The following FSTL5 variants were observed in gnomAD, a reference collection of about 807,000 sequenced individuals.
FSTL5 encodes follistatin like 5.
Under a neutral mutation model 89.1 loss-of-function variants are expected in FSTL5, and 62 were observed. The observed-to-expected ratio is 0.70, with a 90% CI of 0.57 to 0.86. The LOEUF is 0.86. FSTL5 is among the 40% of genes least tolerant of loss of function. The pLI is 0.00. For synonymous variants in FSTL5, 383 were observed against 346.2 expected, an observed-to-expected ratio of 1.11 and a Z score of -1.18; for missense variants, 1,057 against 1,001.6, an observed-to-expected ratio of 1.06 and a Z score of -0.75.
chr4:161,748,152 AT>A (rs1157920242), intron 6 of FSTL5, among the ~76,000 whole-genome samples: 1 of 152,150 alleles, frequency 6.6e-6, no homozygotes, highest in Non-Finnish European at 1.5e-5. Flanking sequence ...CATCAAACTA[AT>A]TACTTGTATA....
At chr4:161,540,008 A>C (rs933121200) in intron 9 of FSTL5, among the ~76,000 whole-genome samples, 4 of 151,646 alleles carry the variant, frequency 2.6e-5, no homozygotes, top group African/African-American at 9.7e-5. Context: ...GCTGTCTCCC[A>C]ATATTTTTAC....
At chr4:161,544,199 C>T (rs939567009) in intron 8 of FSTL5, among the ~76,000 whole-genome samples, 17 of 151,742 alleles carry the variant, frequency 1.1e-4, no homozygotes, top group Non-Finnish European at 2.1e-4. Flanking sequence ...CACTTCACAC[C>T]CTCTAGAATG....
At chr4:161,846,791 C>A (rs1259157210) in intron 4 of FSTL5, among the ~76,000 whole-genome samples, 1 of 152,116 alleles carries the variant, frequency 6.6e-6, no homozygotes, top group Non-Finnish European at 1.5e-5. Context: ...GCTCCAGGAC[C>A]ATTACCACTT....
intron 3 of FSTL5, among the ~76,000 whole-genome samples, chr4:161,924,339 A>G (rs1237522555): frequency 6.6e-6 from 1 of 151,000 alleles, no homozygotes; most frequent in African/African-American, 2.4e-5. Context: ...ATTCTCAATA[A>G]TGAATAAAAT....
chr4:161,881,297 T>A (rs1295827293), intron 4 of FSTL5, among the ~76,000 whole-genome samples: 2 of 151,568 alleles, frequency 1.3e-5, no homozygotes, highest in Non-Finnish European at 2.9e-5. Flanking sequence ...ACACACACTT[T>A]TTTCCTTTTT....
chr4:161,586,019 C>G (rs1733603985), intron 8 of FSTL5, among the ~76,000 whole-genome samples: 1 of 152,178 alleles, frequency 6.6e-6, no homozygotes, highest in Admixed American at 6.5e-5. Flanking sequence ...ATCTGCTCCC[C>G]TGGAGCGTCA....
Position 162,048,292 on chromosome 4 carries a change from A to T in FSTL5, c.127-14634T>A, listed in dbSNP as rs572114439. 5.1e-3 allele frequency among the ~76,000 whole-genome samples: 776 copies of T among 152,128 alleles called. 4 individuals are homozygous for T. Among genetic ancestry groups the T allele is most frequent in the African/African-American group, 0.018 (750 of 41,508 alleles). On this transcript the variant is annotated intron_variant, in intron 2 of 15. Coordinates refer to ENST00000306100, the MANE Select transcript of FSTL5 (RefSeq NM_020116.5). ...CAGTGAGCGGCGATGGTGTCACTGC[A>T]CTCTAGACTCCAGCCTGGGCGACAA... is the stretch of plus-strand genomic sequence containing the variant.
intron 15 of FSTL5, among the ~76,000 whole-genome samples, chr4:161,396,154 C>A (rs550342665): frequency 6.6e-6 from 1 of 151,806 alleles, no homozygotes; most frequent in South Asian, 2.1e-4. Flanking sequence ...GAAGCCCACC[C>A]ATCCCAGATA....
intron 1 of FSTL5, among the ~76,000 whole-genome samples, chr4:162,138,903 C>T (rs552332856): frequency 2.0e-4 from 31 of 151,884 alleles, no homozygotes; most frequent in African/African-American, 7.5e-4. Context: ...ATGTAGAAGC[C>T]CTTTACGGAA....
intron 3 of FSTL5, among the ~76,000 whole-genome samples, chr4:161,959,670 G>A (rs1735117927): frequency 1.3e-5 from 2 of 152,224 alleles, no homozygotes; most frequent in South Asian, 2.1e-4. Flanking sequence ...ATTTAGACTA[G>A]AGATGTTTCT....
At chr4:161,549,898 AT>A (rs1732140513) in intron 8 of FSTL5, among the ~76,000 whole-genome samples, 1 of 151,946 alleles carries the variant, frequency 6.6e-6, no homozygotes, top group Non-Finnish European at 1.5e-5. Context: ...TCCATTGTAT[AT>A]ACAAATTTCA....
intron 6 of FSTL5, among the ~76,000 whole-genome samples, chr4:161,706,793 A>T (rs1738599843): frequency 6.6e-6 from 1 of 152,048 alleles, no homozygotes; most frequent in African/African-American, 2.4e-5. Flanking sequence ...AATGAACCAG[A>T]TTGTTGAAAT....
intron 7 of FSTL5, among the ~76,000 whole-genome samples, chr4:161,634,096 T>G (rs1312900145): frequency 6.6e-6 from 1 of 152,318 alleles, no homozygotes; most frequent in South Asian, 2.1e-4. Context: ...CAAAGCTATA[T>G]CCCTAGACAA....
At chr4:162,150,767 A>G (rs184669904) in intron 1 of FSTL5, among the ~76,000 whole-genome samples, 2 of 152,284 alleles carry the variant, frequency 1.3e-5, no homozygotes, top group African/African-American at 4.8e-5. Context: ...CTATTACTTA[A>G]AAGTGTTCAT....
At chr4:161,597,721 A>T (rs1213160881) in intron 7 of FSTL5, among the ~76,000 whole-genome samples, 1 of 152,060 alleles carries the variant, frequency 6.6e-6, no homozygotes, top group African/African-American at 2.4e-5. Flanking sequence ...TCCTGAGTAG[A>T]TACTTGTACA....
Position 161,640,518 on chromosome 4 carries a change from A to C in FSTL5, c.894+15810T>G, listed in dbSNP as rs183086058. ...CTGGAGCTGAAAATATAGCAACTAA[A>C]ATGAAAAGTTCACTAGTGGGATTCA... On this transcript the variant is annotated intron_variant, in intron 7 of 15. Coordinates refer to ENST00000306100, the MANE Select transcript of FSTL5 (RefSeq NM_020116.5). Among the ~76,000 whole-genome samples, 653 of 152,296 alleles carry C rather than the reference A, an allele frequency of 4.3e-3. 8 individuals carry two copies. The highest frequency in any genetic ancestry group is 2.5e-3 in the Non-Finnish European group (173 of 68,016).
chr4:161,607,919 C>G (rs1015408265), intron 7 of FSTL5, among the ~76,000 whole-genome samples: 2 of 152,062 alleles, frequency 1.3e-5, no homozygotes, highest in Non-Finnish European at 2.9e-5. Context: ...CAATACTGTG[C>G]TTCTTAAAGA....
intron 7 of FSTL5, among the ~76,000 whole-genome samples, chr4:161,641,745 C>T (rs1490587200): frequency 6.6e-6 from 1 of 152,054 alleles, no homozygotes; most frequent in Non-Finnish European, 1.5e-5. Context: ...CCGCCTTGGC[C>T]TCCCAAAATG....
At chr4:161,532,112 G>A (rs1195561929) in intron 10 of FSTL5, among the ~76,000 whole-genome samples, 1 of 151,826 alleles carries the variant, frequency 6.6e-6, no homozygotes, top group African/African-American at 2.4e-5. Flanking sequence ...GGCTGAGGCA[G>A]GAGAATGGCA....
Sources: allele counts gnomAD v4.1 joint callset (sites outside exome capture counted in the v4.1 genomes callset), GRCh38; gene constraint gnomAD v4.1.1; transcripts MANE v1.5; gene names NCBI Gene and HGNC (gene_info 2026-07-23, HGNC 2026-07-21).